Variants in SMG1 observed in about 807,000 individuals in gnomAD.
SMG1 encodes SMG1 nonsense mediated mRNA decay associated PI3K related kinase, also known as serine/threonine-protein kinase SMG1.
A neutral mutation model predicts 419.9 loss-of-function variants in SMG1; 22 were observed. That is an observed-to-expected ratio of 0.05 (90% CI 0.04 to 0.07). SMG1 has a LOEUF of 0.07. Ranked by LOEUF, SMG1 falls within the 10% of genes least tolerant of loss-of-function variation. The pLI, the probability that SMG1 is intolerant of heterozygous loss-of-function variation, is 1.00. For synonymous variants in SMG1, 1,538 were observed against 1,553.5 expected (o/e 0.99, Z 0.23); for missense variants, 3,185 against 4,342.0 (o/e 0.73, Z 7.49).
At chr16:18,874,894 A>G (rs2036027650) in intron 13 of SMG1, among the ~76,000 whole-genome samples, 1 of 95,194 alleles carries the variant, frequency 1.1e-5, no homozygotes, top group African/African-American at 3.8e-5. Context: ...AAAAAAAAAA[A>G]AAAAAAGCCT....
intron 39 of SMG1, among the ~76,000 whole-genome samples, chr16:18,844,474 T>TACACACAC (rs71141074): frequency 2.4e-4 from 1 of 4,174 alleles, no homozygotes; most frequent in Non-Finnish European, 3.7e-4. Context: ...CCCGCCCACC[T>TACACACAC]ACACACACAC....
At chr16:18,911,161 T>TA (rs2037777516) in intron 1 of SMG1, among the ~76,000 whole-genome samples, 1 of 152,218 alleles carries the variant, frequency 6.6e-6, no homozygotes, top group Admixed American at 6.5e-5. Context: ...TGAAATTTCT[T>TA]ATTGTTCAAC....
At chr16:18,898,446 TAA>T (rs1277881684) in intron 1 of SMG1, among the ~76,000 whole-genome samples, 3 of 152,198 alleles carry the variant, frequency 2.0e-5, no homozygotes, top group Admixed American at 6.5e-5. Flanking sequence ...CTGAGTATAC[TAA>T]GTCTATAAGC....
At chr16:18,815,400 T>A (rs1002382011) in intron 59 of SMG1, 40 bp downstream of exon 59, 2 of 1,601,906 alleles carry the variant, frequency 1.2e-6, no homozygotes, top group Non-Finnish European at 8.6e-7. Context: ...AGTAGTTTTG[T>A]ACTTATGTTT....
At position 18,837,132 on chromosome 16, in the gene SMG1, G is replaced by A. The variant is rs1304735612; in HGVS notation, c.7604+121C>T. ...CTAACACTTTGAAGTTGCAGTCACT[G>A]AGACAGCTTTTATCATTTATGTGAT... On this transcript the variant is annotated intron_variant, in intron 46 of 62. Transcript: ENST00000446231. 7 of 951,710 alleles carry A rather than the reference G, an allele frequency of 7.4e-6. No homozygotes were observed. In the East Asian group the frequency reaches 1.0e-4, roughly 14 times the overall value. The allele number at this position is 951,710 out of a possible 1,614,324, so 59.0% of individuals were successfully genotyped here.
intron 1 of SMG1, among the ~76,000 whole-genome samples, chr16:18,915,694 T>C (rs2037943212): frequency 6.6e-6 from 1 of 152,118 alleles, no homozygotes; most frequent in Non-Finnish European, 1.5e-5. Flanking sequence ...GGTGTCATAG[T>C]GAAAAAGTCA....
chr16:18,889,123 G>A (rs1482848969), intron 6 of SMG1, among the ~76,000 whole-genome samples: 14 of 152,206 alleles, frequency 9.2e-5, no homozygotes, highest in South Asian at 2.1e-4. Context: ...CGCACCTGGC[G>A]TGTAAGCCAA....
chr16:18,881,553 C>A (rs540252874), intron 10 of SMG1, among the ~76,000 whole-genome samples: 16 of 152,256 alleles, frequency 1.1e-4, no homozygotes, highest in African/African-American at 3.1e-4. Flanking sequence ...ATGACTATAT[C>A]ACACATGCTT....
At chr16:18,858,755 G>A (rs2141459581) in intron 28 of SMG1, 1 of 314,384 alleles carries the variant, frequency 3.2e-6, no homozygotes, top group South Asian at 7.1e-5. Context: ...CCGCCTAAAG[G>A]AACTGTCTTT....
intron 45 of SMG1, 40 bp from the exon 46 acceptor site, chr16:18,837,483 C>T: frequency 6.5e-7 from 1 of 1,535,814 alleles, no homozygotes; most frequent in South Asian, 1.2e-5. Flanking sequence ...TCTTACAGGG[C>T]CAATTTTGAG....
chr16:18,917,158 T>A (rs71382582), intron 1 of SMG1, among the ~76,000 whole-genome samples: 43,407 of 151,634 alleles, frequency 0.29, 7,465 homozygotes, highest in Non-Finnish European at 0.38. Flanking sequence ...TTTATTTATT[T>A]ATTTATTTTT....
At chr16:18,818,293 G>C (rs868460957) in intron 56 of SMG1, among the ~76,000 whole-genome samples, 47 of 152,228 alleles carry the variant, frequency 3.1e-4, no homozygotes, top group South Asian at 1.9e-3. Context: ...GCTGAGGCAG[G>C]AGAATCACTT....
chr16:18,843,152 G>A (rs1041605312), intron 39 of SMG1, among the ~76,000 whole-genome samples: 3 of 152,112 alleles, frequency 2.0e-5, no homozygotes, highest in African/African-American at 2.4e-5. Context: ...GCTAGCAGTC[G>A]GCTGTCAGGT....
At chr16:18,919,892 T>A (rs2142018453) in intron 1 of SMG1, among the ~76,000 whole-genome samples, 1 of 151,670 alleles carries the variant, frequency 6.6e-6, no homozygotes, top group Non-Finnish European at 1.5e-5. Context: ...AGGTCAGGAG[T>A]TCGGGACCAG....
chr16:18,870,958 T>C (rs2035786824), intron 16 of SMG1, 70 bp from the exon 17 acceptor site: 1 of 764,078 alleles, frequency 1.3e-6, no homozygotes, highest in Non-Finnish European at 2.2e-6. Flanking sequence ...GTCATAATTA[T>C]CTGAATCCAT....
intron 29 of SMG1, 22 bp downstream of exon 29, chr16:18,858,148 A>C: frequency 6.5e-7 from 1 of 1,527,360 alleles, no homozygotes; most frequent in Non-Finnish European, 8.8e-7. Flanking sequence ...ATTTTCTCTT[A>C]CAAGAAAAAA....
At position 18,892,313 on chromosome 16, in the gene SMG1, G is replaced by T. The variant is rs1227411230; in HGVS notation, c.454C>A (p.Leu152Ile). The change falls in exon 4 of 63, where the codon CTT becomes ATT. Residue 152 changes from leucine (L) to isoleucine (I), a missense_variant. This residue lies in a region of SMG1 where 23 missense variants were observed against 20.5 expected (regional missense o/e 1.12). Coordinates refer to ENST00000446231, the MANE Select transcript of SMG1 (RefSeq NM_015092.5). Reference sequence around the variant, plus strand: ...TCTTCCCGGGTGATCCTCCGAAGAAGATTCGACAGTCGAGACTCATCAGAA... The same window carrying T: ...TCTTCCCGGGTGATCCTCCGAAGAATATTCGACAGTCGAGACTCATCAGAA... ...SYSDESRLSN[L>I]LRRITREDDR... is the part of the protein sequence containing the mutation. 6 of 1,549,958 alleles carry T rather than the reference G, an allele frequency of 3.9e-6. No homozygotes were observed. The highest frequency in any genetic ancestry group is 1.2e-5 in the South Asian group (1 of 84,008).
At position 18,863,641 on chromosome 16, in the gene SMG1, A is replaced by G. The variant is rs564953855; in HGVS notation, c.3695+9T>C. The stretch of plus-strand genomic sequence containing the variant: ...AATTTGTTTTATAACTGGAAAAAGT[A>G]AGCCTTACTTTATATAGTTGAAGTC... On this transcript the variant is annotated intron_variant, in intron 25 of 62. Transcript: ENST00000446231. The G allele has an allele frequency of 1.3e-6, 2 of 1,593,362 alleles. No individual in the cohort carries two copies. Among genetic ancestry groups the G allele is most frequent in the East Asian group, 2.2e-5 (1 of 44,872 alleles).
intron 25 of SMG1, among the ~76,000 whole-genome samples, chr16:18,861,798 TAAAC>T (rs150773750): frequency 0.019 from 2,844 of 152,068 alleles, 92 homozygotes; most frequent in African/African-American, 0.065. Context: ...AACAAACAAA[TAAAC>T]AAAAAAAGTA....
Sources: allele counts gnomAD v4.1 joint callset (sites outside exome capture counted in the v4.1 genomes callset), GRCh38; gene constraint gnomAD v4.1.1; regional missense constraint gnomAD v4.1.1; transcripts MANE v1.5; gene names NCBI Gene and HGNC (gene_info 2026-07-23, HGNC 2026-07-21).